GKAP1: variants seen among roughly 807,000 people sequenced by gnomAD.
GKAP1 encodes G kinase-anchoring protein 1.
In GKAP1, 31 loss-of-function variants were observed where a neutral mutation model predicts 56.7. The observed-to-expected ratio is 0.55, with a 90% CI of 0.41 to 0.74. GKAP1 has a LOEUF of 0.74. GKAP1 is among the 30% of genes least tolerant of loss of function. The probability of loss-of-function intolerance (pLI) is 0.00; values close to 1 mark genes in which losing one functional copy is unlikely to be tolerated. For missense variants in GKAP1, 364 were observed against 402.3 expected (o/e 0.90, Z 0.82); for synonymous variants, 151 against 138.6 (o/e 1.09, Z -0.63).
At chr9:83,815,107 G>C (rs574715788) in intron 2 of GKAP1, among the ~76,000 whole-genome samples, 2 of 152,156 alleles carry the variant, frequency 1.3e-5, no homozygotes, top group African/African-American at 4.8e-5. Flanking sequence ...GGGAGGTAGA[G>C]GTTGCAGTGA....
chr9:83,803,147 A>G (rs1038034725), intron 3 of GKAP1, among the ~76,000 whole-genome samples: 10 of 152,254 alleles, frequency 6.6e-5, no homozygotes, highest in Middle Eastern at 3.4e-3. Flanking sequence ...ATTTTTGCCT[A>G]TAACAGTAAA....
chr9:83,806,163 T>C, intron 3 of GKAP1, 139 bp downstream of exon 3: 1 of 622,020 alleles, frequency 1.6e-6, no homozygotes, highest in South Asian at 2.0e-5. Context: ...ATACACAAAT[T>C]CACATCCATT....
intron 7 of GKAP1, among the ~76,000 whole-genome samples, chr9:83,771,558 C>T (rs919216454): frequency 3.3e-5 from 5 of 152,180 alleles, no homozygotes; most frequent in Non-Finnish European, 7.3e-5. Context: ...TTGTGCAACA[C>T]TTTATATCTT....
chr9:83,812,570 G>A (rs371957028), intron 2 of GKAP1, among the ~76,000 whole-genome samples: 34 of 150,362 alleles, frequency 2.3e-4, no homozygotes, highest in Non-Finnish European at 4.3e-4. Flanking sequence ...GAACCCCTAG[G>A]CTCAAGCAAT....
intron 5 of GKAP1, among the ~76,000 whole-genome samples, chr9:83,788,269 C>G (rs1051624369): frequency 1.3e-5 from 2 of 152,116 alleles, no homozygotes; most frequent in African/African-American, 4.8e-5. Flanking sequence ...GAGAGTGAGA[C>G]TCGGTCCCAA....
chr9:83,782,057 T>C (rs1943982532), intron 6 of GKAP1, among the ~76,000 whole-genome samples: 1 of 151,928 alleles, frequency 6.6e-6, no homozygotes, highest in Admixed American at 6.6e-5. Context: ...TTAGCCAGGG[T>C]GGTCTTGATC....
At chr9:83,796,475 T>G (rs531551462) in intron 4 of GKAP1, among the ~76,000 whole-genome samples, 2 of 152,324 alleles carry the variant, frequency 1.3e-5, no homozygotes, top group East Asian at 3.9e-4. Context: ...ATCTCACTTT[T>G]TTTTGTTTTT....
intron 7 of GKAP1, among the ~76,000 whole-genome samples, chr9:83,779,757 T>C (rs1021032179): frequency 1.3e-5 from 2 of 151,280 alleles, no homozygotes. Flanking sequence ...AAGATAAAAA[T>C]AATTTTAACA....
Position 83,753,372 on chromosome 9 carries a change from AAAC to A in GKAP1, c.739-16_739-14del, listed in dbSNP as rs1943424639. The A allele has an allele frequency of 6.9e-7, 1 of 1,456,484 alleles. No homozygotes were observed. The highest frequency in any genetic ancestry group is 1.1e-5 in the South Asian group (1 of 87,668). 90.2% of individuals were successfully genotyped at this position (1,456,484 alleles called of 1,614,324 possible). Reference sequence around the variant, plus strand: ...TCAGAACCACTTCCTGAAAAGAGAGAAACAACACTTTAGGACTTTGATTATTCC... The same window carrying A: ...TCAGAACCACTTCCTGAAAAGAGAGAAACACTTTAGGACTTTGATTATTCC... On this transcript the variant is annotated splice_polypyrimidine_tract_variant and intron_variant, in intron 8 of 12. Coordinates refer to ENST00000376371, the MANE Select transcript of GKAP1 (RefSeq NM_025211.4).
intron 9 of GKAP1, among the ~76,000 whole-genome samples, chr9:83,753,001 A>G (rs112096672): frequency 0.11 from 17,374 of 151,852 alleles, 1,119 homozygotes; most frequent in Non-Finnish European, 0.14. Context: ...CGGAGGTTGC[A>G]CCGAGCTGAG....
chr9:83,763,022 G>GCT (rs1209939298), intron 8 of GKAP1, among the ~76,000 whole-genome samples: 9 of 152,166 alleles, frequency 5.9e-5, no homozygotes, highest in African/African-American at 2.2e-4. Flanking sequence ...TAACAGCCAA[G>GCT]ATTTGGAAGC....
chr9:83,812,435 C>A (rs1346018537), intron 2 of GKAP1, among the ~76,000 whole-genome samples: 1 of 150,680 alleles, frequency 6.6e-6, no homozygotes, highest in African/African-American at 2.4e-5. Context: ...GCAGCCTCAA[C>A]TTCCTGGTCT....
intron 12 of GKAP1, among the ~76,000 whole-genome samples, chr9:83,740,092 T>C (rs1384881975): frequency 1.3e-5 from 2 of 152,192 alleles, no homozygotes; most frequent in African/African-American, 2.4e-5. Context: ...ATTTGTTCCA[T>C]ATGATCAGCA....
At chr9:83,767,258 T>C (rs1943678869) in intron 8 of GKAP1, among the ~76,000 whole-genome samples, 1 of 152,134 alleles carries the variant, frequency 6.6e-6, no homozygotes, top group Non-Finnish European at 1.5e-5. Context: ...AGATAATATA[T>C]CTTGGGTAAC....
At chr9:83,791,402 CAAAAAAA>C (rs141346430) in intron 4 of GKAP1, among the ~76,000 whole-genome samples, 1 of 137,084 alleles carries the variant, frequency 7.3e-6, no homozygotes, top group African/African-American at 2.8e-5. Context: ...GACTCCGTCT[CAAAAAAA>C]AAAAAAGGAA....
intron 12 of GKAP1, among the ~76,000 whole-genome samples, chr9:83,741,626 G>C (rs1285938338): frequency 1.3e-5 from 2 of 152,036 alleles, no homozygotes; most frequent in East Asian, 3.9e-4. Context: ...GAGATATCTA[G>C]GAGATATCAC....
intron 4 of GKAP1, among the ~76,000 whole-genome samples, chr9:83,791,500 C>T (rs1462752155): frequency 1.3e-5 from 2 of 152,036 alleles, no homozygotes; most frequent in Non-Finnish European, 2.9e-5. Context: ...TTTAAATCTA[C>T]CTTTTAATTG....
chr9:83,806,427 G>T lies in GKAP1; in HGVS notation c.91C>A (p.Pro31Thr). ...VDSGSGSDSE[P>T]GKGKGRNTGK... is the part of the protein sequence containing the mutation. The stretch of plus-strand genomic sequence containing the variant: ...GTATTTCGACCTTTACCTTTTCCAG[G>T]TTCAGAATCAGAGCCACTGCCACTA... The change falls in exon 3 of 13, where the codon CCT (proline) becomes ACT (threonine). Residue 31 changes from proline to threonine, a missense_variant. Physicochemically the swap from Pro to Thr is conservative, Grantham distance 38 (BLOSUM62 -1). Transcript: ENST00000376371. 1 of 1,613,020 alleles carries T rather than the reference G, an allele frequency of 6.2e-7. No individual in the cohort carries two copies. The highest frequency in any genetic ancestry group is 8.5e-7 in the Non-Finnish European group (1 of 1,179,482).
chr9:83,815,718 A>G (rs1374530732), intron 2 of GKAP1, among the ~76,000 whole-genome samples: 1 of 152,202 alleles, frequency 6.6e-6, no homozygotes, highest in Non-Finnish European at 1.5e-5. Flanking sequence ...GTATTAATGT[A>G]GATGCCAATT....
Sources: allele counts gnomAD v4.1 joint callset (sites outside exome capture counted in the v4.1 genomes callset), GRCh38; gene constraint gnomAD v4.1.1; transcripts MANE v1.5; gene names NCBI Gene and HGNC (gene_info 2026-07-23, HGNC 2026-07-21).